PLEKHH3: variants seen among roughly 807,000 people sequenced by gnomAD.
PLEKHH3 encodes pleckstrin homology domain-containing family H member 3.
Under a neutral mutation model 77.8 loss-of-function variants are expected in PLEKHH3, and 57 were observed. The observed-to-expected ratio is 0.73, with a 90% CI of 0.59 to 0.91. The LOEUF (loss-of-function observed/expected upper bound fraction) is 0.91, where lower values mean the gene tolerates loss of function less well. Ranked by LOEUF, PLEKHH3 falls within the 40% of genes least tolerant of loss-of-function variation. PLEKHH3 has a pLI of 0.00. For synonymous variants in PLEKHH3, 467 were observed against 504.8 expected (o/e 0.93, Z 1.00); for missense variants, 1,082 against 1,091.2 (o/e 0.99, Z 0.12).
intron 7 of PLEKHH3, 71 bp downstream of exon 7, chr17:42,672,015 A>G (rs2052712554): frequency 2.3e-6 from 3 of 1,310,066 alleles, no homozygotes; most frequent in Non-Finnish European, 3.1e-6. Context: ...GTCTTTTGCA[A>G]AAGACCTTTC....
chr17:42,674,814 T>C (rs1288070682), intron 1 of PLEKHH3: 2 of 189,966 alleles, frequency 1.1e-5, no homozygotes, highest in Admixed American at 6.1e-5. Context: ...AGAGGTGAGC[T>C]CGTTCTGCCA....
At chr17:42,670,865 C>G (rs902922756) in intron 9 of PLEKHH3, 129 bp downstream of exon 9, 2 of 1,527,018 alleles carry the variant, frequency 1.3e-6, no homozygotes, top group African/African-American at 1.4e-5. Flanking sequence ...GCGGGCAGGT[C>G]CGTCTGTAAA....
Position 42,676,405 on chromosome 17 carries a change from C to T in PLEKHH3, c.159G>A (p.Gly53=). 1 of 1,613,156 alleles carries T rather than the reference C, an allele frequency of 6.2e-7. No homozygotes were observed. The highest frequency in any genetic ancestry group is 1.3e-5 in the African/African-American group (1 of 75,066). The change falls in exon 1 of 13, where the codon GGG becomes GGA. Residue 53 remains glycine, a synonymous_variant. Coordinates refer to ENST00000591022, the MANE Select transcript of PLEKHH3 (RefSeq NM_024927.5). This position sits in a 1 kb window ranked among gnomAD's most constrained non-coding sequence, Gnocchi z 6.6. ...GCTCCGAACCCCCGGGACTTACCCT[C>T]CCGCCGCCCGCTGGACTCGGGGTCC... ...ELRTPSPAGG[G]RGPLEVTLTQ...
In PLEKHH3 at chr17:42,669,734, A is replaced by T. The variant is rs369227044; in HGVS notation, c.2014-113T>A. ...TCCTGATCCCCCTATGATTCACAGCACGTGTGTGGAGGGGGCTGAGGCTCC... is the reference window on the plus strand; with the variant it reads ...TCCTGATCCCCCTATGATTCACAGCTCGTGTGTGGAGGGGGCTGAGGCTCC... On this transcript the variant is annotated intron_variant, in intron 11 of 12. Coordinates refer to ENST00000591022, the MANE Select transcript of PLEKHH3 (RefSeq NM_024927.5). The T allele has an allele frequency of 2.0e-4, 292 of 1,454,350 alleles. 1 individual carries two copies. In the African/African-American group the frequency reaches 3.7e-3, roughly 18 times the overall value. The allele number at this position is 1,454,350 out of a possible 1,614,324, so 90.1% of individuals were successfully genotyped here.
chr17:42,669,869 G>C, intron 11 of PLEKHH3, 49 bp downstream of exon 11: 1 of 1,603,250 alleles, frequency 6.2e-7, no homozygotes, highest in Non-Finnish European at 8.5e-7. Context: ...CTGGGGCAAA[G>C]GTGTGGGGCT....
intron 1 of PLEKHH3, among the ~76,000 whole-genome samples, chr17:42,675,220 C>T (rs2052796523): frequency 6.6e-6 from 1 of 152,160 alleles, no homozygotes; most frequent in South Asian, 2.1e-4. Flanking sequence ...CCTCATATTG[C>T]TCCCAGACTG....
At chr17:42,670,821 G>T in intron 9 of PLEKHH3, 116 bp from the exon 10 acceptor site, 1 of 1,516,940 alleles carries the variant, frequency 6.6e-7, no homozygotes, top group Admixed American at 2.0e-5. Context: ...AGCCGACAGC[G>T]GAGGTGATGC....
At chr17:42,672,874 A>G (rs1164060888) in intron 6 of PLEKHH3, among the ~76,000 whole-genome samples, 1 of 152,188 alleles carries the variant, frequency 6.6e-6, no homozygotes, top group Admixed American at 6.5e-5. Flanking sequence ...TACCACTTGT[A>G]AAGGTAATAT....
chr17:42,670,762 C>A (rs1264162740), intron 9 of PLEKHH3, 57 bp from the exon 10 acceptor site: 17 of 1,571,472 alleles, frequency 1.1e-5, no homozygotes, highest in Non-Finnish European at 1.4e-5. Context: ...ACGGCGAGGG[C>A]AGCTTGGGGT....
At chr17:42,674,223 C>T in intron 2 of PLEKHH3, 131 bp downstream of exon 2, 1 of 1,229,396 alleles carries the variant, frequency 8.1e-7, no homozygotes, top group East Asian at 2.5e-5. Context: ...CCCCCCGGGA[C>T]CCCAGCCAAA....
At chr17:42,672,643 G>A (rs2052729191) in intron 6 of PLEKHH3, among the ~76,000 whole-genome samples, 1 of 152,116 alleles carries the variant, frequency 6.6e-6, no homozygotes, top group Non-Finnish European at 1.5e-5. Context: ...GAGACGGACG[G>A]CCGGGAAGGG....
chr17:42,672,573 C>G (rs532429477), intron 6 of PLEKHH3, among the ~76,000 whole-genome samples, 181 bp from the exon 7 acceptor site: 1 of 152,176 alleles, frequency 6.6e-6, no homozygotes, highest in African/African-American at 2.4e-5. Flanking sequence ...GCCAGACTCT[C>G]AACCTCTGCC....
rs1021106160 is a variant in PLEKHH3, at chr17:42,668,282, C to T, written c.2227G>A (p.Val743Met). ...GAGGGGTTGGCCAAGTAGGCATTCA[C>T]CAGCTGCATGATCTCTTCCACCTAA... is the stretch of plus-strand genomic sequence containing the variant. ...SPQVEEIMQL[V>M]NAYLANPSPE... The change falls in exon 13 of 13, where the codon GTG becomes ATG. Residue 743 changes from valine to methionine, a missense_variant. Around this residue, in one of 3 missense-constraint regions of PLEKHH3, gnomAD observed 733 missense variants for 750.0 expected, o/e 0.98. Transcript: ENST00000591022. The T allele has an allele frequency of 1.3e-6, 2 of 1,553,202 alleles. No homozygotes were observed. Among genetic ancestry groups the T allele is most frequent in the Admixed American group, 2.2e-5 (1 of 45,706 alleles).
In PLEKHH3 at chr17:42,673,500, G is replaced by T; in HGVS notation, c.547C>A (p.Arg183Ser). The change falls in exon 5 of 13, where the codon CGC (arginine) becomes AGC (serine). Residue 183 changes from arginine to serine, a missense_variant. By Grantham distance (110) the Arg-to-Ser change is moderately radical. Transcript: ENST00000591022. Reference protein sequence around the residue: ...RKHSVRLCSPRQAEAERWGVA... With the variant: ...RKHSVRLCSPSQAEAERWGVA... ...CCCCAGCGCTCAGCCTCTGCCTGGC[G>T]TGGGGAGCAGAGGCGGACACTGTGT... is the stretch of plus-strand genomic sequence containing the variant. 6.2e-7 allele frequency: 1 copy of T among 1,608,414 alleles called. No homozygotes were observed. Among genetic ancestry groups the T allele is most frequent in the Non-Finnish European group, 8.5e-7 (1 of 1,177,938 alleles).
rs771045418 is a variant in PLEKHH3 at position 42,674,423 on chromosome 17, C to T, written c.163-14G>A. The T allele has an allele frequency of 3.8e-6, 6 of 1,578,052 alleles. No individual in the cohort carries two copies. The African/African-American group carries it at 8.1e-5, about 21-fold the overall frequency. On this transcript the variant is annotated splice_polypyrimidine_tract_variant and intron_variant, in intron 1 of 12. Coordinates refer to ENST00000591022, the MANE Select transcript of PLEKHH3 (RefSeq NM_024927.5). Reference sequence around the variant, plus strand: ...TTCCAGGGGACCCTGGGGAGACAGGCGGGGAAGCCCTCAGGGTCAGAGCCC... The same window carrying T: ...TTCCAGGGGACCCTGGGGAGACAGGTGGGGAAGCCCTCAGGGTCAGAGCCC...
At chr17:42,675,885 C>T in intron 1 of PLEKHH3, 1 of 1,004,910 alleles carries the variant, frequency 1.0e-6, no homozygotes, top group East Asian at 1.1e-4. Flanking sequence ...AGGAGGGGTC[C>T]TCAAAGAGCT....
intron 11 of PLEKHH3, 22 bp from the exon 12 acceptor site, chr17:42,669,643 C>G (rs753869877): frequency 1.9e-6 from 3 of 1,591,368 alleles, no homozygotes; most frequent in Non-Finnish European, 2.6e-6. Context: ...GAGGCAGAGT[C>G]AGGGTGGAAG....
intron 12 of PLEKHH3, chr17:42,669,215 C>G (rs971129297): frequency 4.4e-6 from 2 of 449,860 alleles, no homozygotes; most frequent in Non-Finnish European, 3.7e-6. Flanking sequence ...TGTCACATCA[C>G]TCTTTCCTTT....
chr17:42,674,244 C>T, intron 2 of PLEKHH3, 110 bp downstream of exon 2: 1 of 1,326,250 alleles, frequency 7.5e-7, no homozygotes. Flanking sequence ...CCACAGCGTC[C>T]GGCATAGGGC....
Sources: allele counts gnomAD v4.1 joint callset (sites outside exome capture counted in the v4.1 genomes callset), GRCh38; gene constraint gnomAD v4.1.1; regional missense constraint gnomAD v4.1.1; non-coding constraint Gnocchi (gnomAD v3.1); transcripts MANE v1.5; gene names NCBI Gene and HGNC (gene_info 2026-07-23, HGNC 2026-07-21).